ARPC5: variants seen among roughly 807,000 people sequenced by gnomAD.
The protein encoded by ARPC5 is actin related protein 2/3 complex subunit 5.
A neutral mutation model predicts 15.4 loss-of-function variants in ARPC5; 5 were observed. The observed-to-expected ratio is 0.32, with a 90% CI of 0.17 to 0.68. The LOEUF is 0.68. Among genes scored for constraint, ARPC5 ranks in the 30% least tolerant of loss-of-function variants. The pLI is 0.71. For missense variants in ARPC5, 138 were observed against 192.8 expected, an observed-to-expected ratio of 0.72 and a Z score of 1.68; for synonymous variants, 85 against 72.2, an observed-to-expected ratio of 1.18 and a Z score of -0.90.
At chr1:183,630,071 T>C (rs1273443653) in intron 3 of ARPC5, among the ~76,000 whole-genome samples, 1 of 152,232 alleles carries the variant, frequency 6.6e-6, no homozygotes. Context: ...GTCATTCCTT[T>C]TAATGGTTGA....
Position 183,635,523 on chromosome 1 carries a change from A to G in ARPC5, c.137T>C (p.Leu46Pro), listed in dbSNP as rs768190080. Reference sequence around the variant, plus strand: ...GCGGTGAATGCAAGGATATTGCCGCAGGCAGGAGTCCACCTCGCCCTCGTC... The same window carrying G: ...GCGGTGAATGCAAGGATATTGCCGCGGGCAGGAGTCCACCTCGCCCTCGTC... ...GPDEGEVDSC[L>P]RQGNMTAALQ... Residue 46 changes from leucine to proline, a missense_variant, in exon 1 of 4, where the codon CTG (leucine) becomes CCG (proline). Coordinates refer to ENST00000359856, the MANE Select transcript of ARPC5 (RefSeq NM_005717.4). The G allele has an allele frequency of 6.2e-7, 1 of 1,611,444 alleles. No homozygotes were observed. The highest frequency in any genetic ancestry group is 8.5e-7 in the Non-Finnish European group (1 of 1,179,130).
intron 1 of ARPC5, 65 bp downstream of exon 1, chr1:183,635,452 C>T (rs1649452099): frequency 1.6e-6 from 2 of 1,262,364 alleles, no homozygotes; most frequent in Admixed American, 4.8e-5. Flanking sequence ...TGCAGGCTCC[C>T]GGGTCCCAGG....
rs1649131250 is a variant in ARPC5, at chr1:183,627,290, C to T, written c.*242G>A. On this transcript the variant is annotated 3_prime_UTR_variant, in exon 4 of 4. Coordinates refer to ENST00000359856, the MANE Select transcript of ARPC5 (RefSeq NM_005717.4). ...TATACTATATACAGATTGGTATAAA[C>T]ATCACTGAAATGGTTTTGAAAGGAT... 1 of 536,346 alleles carries T rather than the reference C, an allele frequency of 1.9e-6. No homozygotes were observed. Among genetic ancestry groups the T allele is most frequent in the Non-Finnish European group, 3.4e-6 (1 of 293,126 alleles). The allele number at this position is 536,346 out of a possible 1,614,324, so 33.2% of individuals were successfully genotyped here.
At chr1:183,629,550 A>G (rs1461773520) in intron 3 of ARPC5, among the ~76,000 whole-genome samples, 1 of 152,144 alleles carries the variant, frequency 6.6e-6, no homozygotes, top group Non-Finnish European at 1.5e-5. Flanking sequence ...TATTTTTATG[A>G]CTGGTTCTAT....
rs750035495 is a variant in ARPC5, at chr1:183,627,501, T to C, written c.*31A>G. 22 of 1,606,146 alleles carry C rather than the reference T, an allele frequency of 1.4e-5. No homozygotes were observed. The East Asian group carries it at 4.9e-4, about 36-fold the overall frequency. Reference sequence around the variant, plus strand: ...TGGTCTTTGTACCAGCAATTCCCACTCCCGAGGCAGATAATCCACTTCCTG... The same window carrying C: ...TGGTCTTTGTACCAGCAATTCCCACCCCCGAGGCAGATAATCCACTTCCTG... On this transcript the variant is annotated 3_prime_UTR_variant, in exon 4 of 4. Transcript: ENST00000359856.
chr1:183,623,500 T>A lies in ARPC5; in HGVS notation c.*4032A>T. The stretch of plus-strand genomic sequence containing the variant: ...CACAGAACGTTTTCACATTGGGGTT[T>A]TCACATATTGTACTAGTGACATTGG... On this transcript the variant is annotated 3_prime_UTR_variant, in exon 4 of 4. Coordinates refer to ENST00000359856, the MANE Select transcript of ARPC5 (RefSeq NM_005717.4). 1 of 1,550,222 alleles carries A rather than the reference T, an allele frequency of 6.5e-7. No individual in the cohort carries two copies. Among genetic ancestry groups the A allele is most frequent in the Non-Finnish European group, 8.7e-7 (1 of 1,146,822 alleles).
chr1:183,632,401 C>A (rs1649292847), intron 2 of ARPC5: 1 of 151,498 alleles, frequency 6.6e-6, no homozygotes, highest in Non-Finnish European at 1.5e-5. Context: ...AAAAATTTAC[C>A]AAAAAATATT....
Position 183,635,581 on chromosome 1 carries a change from C to T in ARPC5, c.79G>A (p.Glu27Lys). ...GCCTGGCCGTCGCCCCCATCTTCTT[C>T]GTCCACGAACTTGTTCTCGTCATAT... ...DEYDENKFVDEEDGGDGQAGP... is the reference protein window; with the variant it reads ...DEYDENKFVDKEDGGDGQAGP... Residue 27 changes from glutamate to lysine, a missense_variant, in exon 1 of 4, where the codon GAA becomes AAA. Coordinates refer to ENST00000359856, the MANE Select transcript of ARPC5 (RefSeq NM_005717.4). The T allele has an allele frequency of 6.2e-7, 1 of 1,613,718 alleles. No homozygotes were observed. Among genetic ancestry groups the T allele is most frequent in the Non-Finnish European group, 8.5e-7 (1 of 1,179,914 alleles).
In ARPC5 at chr1:183,633,088, T is replaced by C; in HGVS notation, c.210A>G (p.Ala70=). 1 of 1,604,896 alleles carries C rather than the reference T, an allele frequency of 6.2e-7. No homozygotes were observed. Among genetic ancestry groups the C allele is most frequent in the South Asian group, 1.1e-5 (1 of 89,668 alleles). ...KNPPINTKSQ[A]VKDRAGSIVL... is the part of the protein sequence containing the mutation. ...GTTGTAGTCTGCGACTCACCTTCAC[T>C]GCCTGACTCTTGGTGTTGATAGGGG... The change falls in exon 2 of 4, where the codon GCA becomes GCG. Residue 70 remains alanine (A), a synonymous_variant. Transcript: ENST00000359856.
chr1:183,628,191 A>AAAG (rs1649167455), intron 3 of ARPC5, among the ~76,000 whole-genome samples: 3 of 144,042 alleles, frequency 2.1e-5, no homozygotes, highest in African/African-American at 8.2e-5. Context: ...AAAAAAAAAA[A>AAAG]AAAAAAAAAA....
chr1:183,628,107 A>G (rs1173330624), intron 3 of ARPC5, among the ~76,000 whole-genome samples: 1 of 132,354 alleles, frequency 7.6e-6, no homozygotes, highest in Non-Finnish European at 1.6e-5. Flanking sequence ...CAGGAGGCGG[A>G]GCTTGCAGTG....
At chr1:183,628,151 C>T (rs967472616) in intron 3 of ARPC5, among the ~76,000 whole-genome samples, 6 of 115,286 alleles carry the variant, frequency 5.2e-5, no homozygotes, top group Admixed American at 1.3e-4. Context: ...CCAGCCTGGG[C>T]GACAGAGCAA....
rs1228600611 is a variant in ARPC5 at position 183,622,799 on chromosome 1, C to G, written c.*4733G>C. The G allele has an allele frequency of 2.6e-5, 4 of 152,438 alleles. No homozygotes were observed. The highest frequency in any genetic ancestry group is 9.6e-5 in the African/African-American group (4 of 41,454). 9.4% of individuals were successfully genotyped at this position (152,438 alleles called of 1,614,324 possible). ...CCACCTAAGGCTGATAAATTCCCTT[C>G]TTAACTGTCCACATTGAAGTGAATT... On this transcript the variant is annotated 3_prime_UTR_variant, in exon 4 of 4. Transcript: ENST00000359856.
chr1:183,634,113 C>A (rs1338891086), intron 1 of ARPC5, among the ~76,000 whole-genome samples: 1 of 152,202 alleles, frequency 6.6e-6, no homozygotes, highest in Non-Finnish European at 1.5e-5. Context: ...ACCATCTATC[C>A]ATCACAAATA....
Position 183,625,759 on chromosome 1 carries a change from C to T in ARPC5, c.*1773G>A, listed in dbSNP as rs542514845. On this transcript the variant is annotated 3_prime_UTR_variant, in exon 4 of 4. Coordinates refer to ENST00000359856, the MANE Select transcript of ARPC5 (RefSeq NM_005717.4). ...ATACCTATTGCTTAGCTTATCTTCA[C>T]CCATAGGACCCTGAATTGCCTGGAA... The T allele has an allele frequency of 6.6e-6, 1 of 152,184 alleles. No individual in the cohort carries two copies. The highest frequency in any genetic ancestry group is 2.1e-4 in the South Asian group (1 of 4,828). 9.4% of individuals were successfully genotyped at this position (152,184 alleles called of 1,614,324 possible).
Position 183,623,687 on chromosome 1 carries a change from G to T in ARPC5, c.*3845C>A. The T allele has an allele frequency of 1.6e-6, 1 of 607,802 alleles. No homozygotes were observed. Among genetic ancestry groups the T allele is most frequent in the Non-Finnish European group, 2.8e-6 (1 of 352,536 alleles). 37.7% of individuals were successfully genotyped at this position (607,802 alleles called of 1,614,324 possible). A position where few individuals can be genotyped will look rare whatever the true frequency, so the allele number is the denominator to read the frequency against. ...CTTTTAACATATTTTGTCTGTAAGG[G>T]GATGTTAGTTGTAAATCTAAAGGAA... On this transcript the variant is annotated 3_prime_UTR_variant, in exon 4 of 4. Coordinates refer to ENST00000359856, the MANE Select transcript of ARPC5 (RefSeq NM_005717.4).
intron 2 of ARPC5, 43 bp from the exon 3 acceptor site, chr1:183,630,680 T>C (rs1649238292): frequency 6.4e-7 from 1 of 1,557,480 alleles, no homozygotes; most frequent in Non-Finnish European, 8.7e-7. Flanking sequence ...CATATCTGTA[T>C]GAGGAGGGTT....
At chr1:183,627,662 A>G (rs1649145876) in intron 3 of ARPC5, 68 bp from the exon 4 acceptor site, 2 of 1,346,052 alleles carry the variant, frequency 1.5e-6, no homozygotes, top group Admixed American at 3.4e-5. Flanking sequence ...TTGGTAAAAC[A>G]TTTTTCTTAA....
intron 3 of ARPC5, among the ~76,000 whole-genome samples, chr1:183,629,955 G>A (rs1231189358): frequency 6.6e-6 from 1 of 152,116 alleles, no homozygotes; most frequent in Non-Finnish European, 1.5e-5. Context: ...GCCTATCCTA[G>A]ATTATTTCAT....
Sources: allele counts gnomAD v4.1 joint callset (sites outside exome capture counted in the v4.1 genomes callset), GRCh38; gene constraint gnomAD v4.1.1; transcripts MANE v1.5; gene names NCBI Gene and HGNC (gene_info 2026-07-23, HGNC 2026-07-21).